RBFOX1: variants seen among roughly 807,000 people sequenced by gnomAD.
RBFOX1 encodes RNA binding fox-1 homolog 1, also known as RNA binding protein fox-1 homolog 1.
Under a neutral mutation model 57.7 loss-of-function variants are expected in RBFOX1, and 8 were observed. The observed-to-expected ratio is 0.14, with a 90% CI of 0.08 to 0.25. RBFOX1 has a LOEUF of 0.25. Among genes scored for constraint, RBFOX1 ranks in the 10% least tolerant of loss-of-function variants. The pLI is 1.00. For missense variants in RBFOX1, 611 were observed against 548.5 expected (o/e 1.11, Z -1.14); for synonymous variants, 326 against 222.4 (o/e 1.47, Z -4.15).
intron 4 of RBFOX1, among the ~76,000 whole-genome samples, chr16:7,496,633 C>A (rs1020454054): frequency 4.0e-5 from 6 of 151,184 alleles, no homozygotes; most frequent in Non-Finnish European, 5.9e-5. Context: ...GTGGTCATAG[C>A]AAGGCCTCAG....
chr16:6,545,900 C>T (rs968457748), intron 2 of RBFOX1, among the ~76,000 whole-genome samples: 1 of 152,172 alleles, frequency 6.6e-6, no homozygotes, highest in Non-Finnish European at 1.5e-5. Flanking sequence ...GCCTAAAGCT[C>T]TTTCAACTTG....
chr16:7,037,010 C>G (rs1361176052), intron 3 of RBFOX1, among the ~76,000 whole-genome samples: 2 of 152,138 alleles, frequency 1.3e-5, no homozygotes, highest in African/African-American at 2.4e-5. Context: ...CATTTATAAA[C>G]TGTCATGGTG....
intron 3 of RBFOX1, among the ~76,000 whole-genome samples, chr16:5,727,478 T>G (rs2052195853): frequency 6.6e-6 from 1 of 152,194 alleles, no homozygotes; most frequent in Non-Finnish European, 1.5e-5. Context: ...CTGACATAGT[T>G]AACCTTTGTA....
chr16:5,539,347 C>A (rs1298703073), intron 2 of RBFOX1, among the ~76,000 whole-genome samples: 7 of 151,444 alleles, frequency 4.6e-5, no homozygotes, highest in African/African-American at 1.7e-4. Flanking sequence ...AATCCCAGCA[C>A]TTTGGGAGGC....
At chr16:5,817,084 T>G (rs973986545) in intron 3 of RBFOX1, among the ~76,000 whole-genome samples, 3 of 152,188 alleles carry the variant, frequency 2.0e-5, no homozygotes, top group Non-Finnish European at 4.4e-5. Context: ...CATTTTGGGT[T>G]CAGCTGAGGA....
rs117914041 is a variant in RBFOX1, at chr16:7,254,693, C to T, written c.27+202595C>T. Among the ~76,000 whole-genome samples, 954 of 152,178 alleles carry T rather than the reference C, an allele frequency of 6.3e-3. 5 individuals are homozygous for T. Among genetic ancestry groups the T allele is most frequent in the South Asian group, 0.028 (134 of 4,830 alleles). On this transcript the variant is annotated intron_variant, in intron 4 of 15. Coordinates refer to ENST00000550418, the MANE Select transcript of RBFOX1 (RefSeq NM_018723.4). ...GCCATTCAAATCTAAGTTAGAAAGA[C>T]ATTCACAAGCCATTTTTGCAATTGT...
chr16:5,692,065 A>G (rs1488157898), intron 3 of RBFOX1, among the ~76,000 whole-genome samples: 1 of 152,092 alleles, frequency 6.6e-6, no homozygotes, highest in Non-Finnish European at 1.5e-5. Context: ...TGACTGGGAA[A>G]GTGTCATGGT....
At chr16:5,819,614 T>G (rs2055771979) in intron 3 of RBFOX1, among the ~76,000 whole-genome samples, 1 of 152,204 alleles carries the variant, frequency 6.6e-6, no homozygotes, top group East Asian at 1.9e-4. Flanking sequence ...AAGACTTACG[T>G]TGTACTGACG....
rs370605633 is a variant in RBFOX1 at position 6,780,129 on chromosome 16, A to T, written c.-16+125479A>T. Among the ~76,000 whole-genome samples the T allele has an allele frequency of 2.6e-3, 55 of 20,970 alleles. 6 individuals carry two copies. The highest frequency in any genetic ancestry group is 8.9e-3 in the East Asian group (1 of 112). 13.8% of individuals were successfully genotyped at this position (20,970 alleles called of 152,430 possible). ...TATATTTATATATATTTATATATAT[A>T]TTTATATATTTATATATATTTATAT... On this transcript the variant is annotated intron_variant, in intron 3 of 15. Coordinates refer to ENST00000550418, the MANE Select transcript of RBFOX1 (RefSeq NM_018723.4).
At chr16:6,344,182 C>G (rs914785115) in intron 2 of RBFOX1, among the ~76,000 whole-genome samples, 7 of 152,000 alleles carry the variant, frequency 4.6e-5, no homozygotes, top group South Asian at 2.1e-4. Context: ...GCCTCAGTAG[C>G]TAGGATTACA....
At chr16:5,922,317 G>A (rs181983106) in intron 4 of RBFOX1, among the ~76,000 whole-genome samples, 2 of 152,176 alleles carry the variant, frequency 1.3e-5, no homozygotes, top group African/African-American at 2.4e-5. Flanking sequence ...TTTGACTTGA[G>A]AGCTGAGATG....
At chr16:7,101,824 G>T (rs556702628) in intron 4 of RBFOX1, among the ~76,000 whole-genome samples, 1 of 152,192 alleles carries the variant, frequency 6.6e-6, no homozygotes, top group South Asian at 2.1e-4. Context: ...CTGAGCTAGG[G>T]ATTTCCAAGG....
intron 3 of RBFOX1, among the ~76,000 whole-genome samples, chr16:6,957,932 G>C (rs1185853231): frequency 1.3e-5 from 2 of 152,070 alleles, no homozygotes; most frequent in African/African-American, 2.4e-5. Context: ...GACCTAGCCC[G>C]AGAAGTCACA....
intron 3 of RBFOX1, among the ~76,000 whole-genome samples, chr16:6,669,816 T>C (rs1331912801): frequency 2.0e-5 from 3 of 152,030 alleles, no homozygotes; most frequent in South Asian, 2.1e-4. Context: ...GGGAGCACAG[T>C]AGAAAAGCAA....
intron 3 of RBFOX1, among the ~76,000 whole-genome samples, chr16:6,659,741 C>A (rs1256030028): frequency 1.3e-5 from 2 of 152,122 alleles, no homozygotes; most frequent in African/African-American, 4.8e-5. Flanking sequence ...GGATTCTTCA[C>A]AGTGTTTACA....
At chr16:5,590,046 T>TAC (rs148421648) in intron 2 of RBFOX1, among the ~76,000 whole-genome samples, 21,236 of 142,838 alleles carry the variant, frequency 0.15, 1,778 homozygotes, top group East Asian at 0.44. Context: ...GTCTGCGTGT[T>TAC]ACACACACAC....
At chr16:7,465,510 G>T (rs1198495582) in intron 4 of RBFOX1, among the ~76,000 whole-genome samples, 1 of 152,180 alleles carries the variant, frequency 6.6e-6, no homozygotes, top group African/African-American at 2.4e-5. Flanking sequence ...CACATATTCT[G>T]TCCCCAAGTC....
At chr16:6,943,158 C>T (rs984366896) in intron 3 of RBFOX1, among the ~76,000 whole-genome samples, 4 of 152,156 alleles carry the variant, frequency 2.6e-5, no homozygotes, top group African/African-American at 9.7e-5. Flanking sequence ...TAATGGCTAC[C>T]AGCTCTCCAC....
chr16:6,739,659 A>G (rs974754611), intron 3 of RBFOX1, among the ~76,000 whole-genome samples: 4 of 152,004 alleles, frequency 2.6e-5, no homozygotes, highest in African/African-American at 9.7e-5. Flanking sequence ...GGTGGATCAC[A>G]TGAGGTCACG....
Sources: allele counts gnomAD v4.1 joint callset (sites outside exome capture counted in the v4.1 genomes callset), GRCh38; gene constraint gnomAD v4.1.1; transcripts MANE v1.5; gene names NCBI Gene and HGNC (gene_info 2026-07-23, HGNC 2026-07-21).